The following RAD52 variants were observed in gnomAD, a reference collection of about 807,000 sequenced individuals.
The protein encoded by RAD52 is DNA repair protein RAD52 homolog.
Under a neutral mutation model 55.5 loss-of-function variants are expected in RAD52, and 47 were observed. The observed-to-expected ratio is 0.85, with a 90% CI of 0.67 to 1.08. The LOEUF (loss-of-function observed/expected upper bound fraction) is 1.08. Among genes scored for constraint, RAD52 ranks in the 50% least tolerant of loss-of-function variants. The pLI, the probability that RAD52 is intolerant of heterozygous loss-of-function variation, is 0.00. For missense variants in RAD52, 468 were observed against 522.8 expected, an observed-to-expected ratio of 0.90 and a Z score of 1.02; for synonymous variants, 184 against 198.9, an observed-to-expected ratio of 0.92 and a Z score of 0.63.
intron 1 of RAD52, among the ~76,000 whole-genome samples, chr12:966,896 T>TG (rs1958778104): frequency 6.6e-6 from 1 of 151,978 alleles, no homozygotes; most frequent in South Asian, 2.1e-4. Flanking sequence ...ATTTTACTGT[T>TG]GCGTCACAAG....
intron 7 of RAD52, among the ~76,000 whole-genome samples, chr12:923,503 T>C (rs1263506059): frequency 6.7e-6 from 1 of 150,164 alleles, no homozygotes; most frequent in Non-Finnish European, 1.5e-5. Context: ...AAGGATGCAG[T>C]GAATTATGAT....
intron 1 of RAD52, among the ~76,000 whole-genome samples, chr12:984,196 A>G (rs1434453256): frequency 6.6e-6 from 1 of 151,844 alleles, no homozygotes; most frequent in African/African-American, 2.4e-5. Flanking sequence ...TTCTGTCTCT[A>G]TGAATTTTTT....
At chr12:963,573 G>A (rs1192041365) in intron 1 of RAD52, among the ~76,000 whole-genome samples, 1 of 151,910 alleles carries the variant, frequency 6.6e-6, no homozygotes, top group East Asian at 1.9e-4. Context: ...TTTCAATAAG[G>A]ATTTATAATT....
chr12:965,302 T>C (rs1185496143), intron 1 of RAD52, among the ~76,000 whole-genome samples: 1 of 151,988 alleles, frequency 6.6e-6, no homozygotes. Flanking sequence ...TTACAGAAGA[T>C]TGGTACATGT....
rs1956166414 is a variant in RAD52, at chr12:912,752, A to AAAAAAAAAAAAC, written c.*638_*639insGTTTTTTTTTTT. The AAAAAAAAAAAAC allele has an allele frequency of 5.8e-6, 1 of 171,326 alleles. No homozygotes were observed. Among genetic ancestry groups the AAAAAAAAAAAAC allele is most frequent in the East Asian group, 1.0e-4 (1 of 9,734 alleles). 10.6% of individuals were successfully genotyped at this position (171,326 alleles called of 1,614,324 possible). ...AAAAAAAAAAAAAAAAAAACAAAAA[A>AAAAAAAAAAAAC]CAGCCTTTTTTCGTGGTCTTAGATG... On this transcript the variant is annotated 3_prime_UTR_variant, in exon 12 of 12. Coordinates refer to ENST00000358495, the MANE Select transcript of RAD52 (RefSeq NM_134424.4).
intron 1 of RAD52, among the ~76,000 whole-genome samples, chr12:979,769 C>A (rs906408750): frequency 3.3e-5 from 5 of 152,020 alleles, no homozygotes; most frequent in Non-Finnish European, 7.4e-5. Context: ...AGCTCTTGGC[C>A]GGGTGCGGTG....
chr12:920,291 T>G (rs1956647536), intron 7 of RAD52, among the ~76,000 whole-genome samples: 1 of 116,258 alleles, frequency 8.6e-6, no homozygotes, highest in South Asian at 3.2e-4. Context: ...GTGCAGTGGC[T>G]CACACCTATA....
At chr12:948,135 A>C (rs1958359117) in intron 1 of RAD52, among the ~76,000 whole-genome samples, 1 of 152,032 alleles carries the variant, frequency 6.6e-6, no homozygotes, top group Non-Finnish European at 1.5e-5. Context: ...TATTTAAAAA[A>C]TGAAGTTGAT....
intron 1 of RAD52, among the ~76,000 whole-genome samples, chr12:972,714 T>C (rs371644613): frequency 1.8e-4 from 25 of 135,782 alleles, no homozygotes; most frequent in African/African-American, 6.6e-4. Flanking sequence ...TGCAGTGAGC[T>C]GAGATAGCAC....
At chr12:922,191 TAAA>T (rs79763100) in intron 7 of RAD52, among the ~76,000 whole-genome samples, 3 of 81,694 alleles carry the variant, frequency 3.7e-5, no homozygotes, top group Non-Finnish European at 6.7e-5. Context: ...TAGGTTGGCT[TAAA>T]AAAAAAAAAA....
In RAD52 at chr12:914,494, C is replaced by T. The variant is rs758394761; in HGVS notation, c.904G>A (p.Val302Ile). Residue 302 changes from valine to isoleucine, a missense_variant, in exon 10 of 12, where the codon GTA (valine) becomes ATA (isoleucine). Coordinates refer to ENST00000358495, the MANE Select transcript of RAD52 (RefSeq NM_134424.4). ...TCCAGGAGTGGTTCTGAGACAGTTA[C>T]AGGAGTGCTGTGCGTCACAGGAGGG... ...PAPPVTHSTPVTVSEPLLEKD... is the reference protein window; with the variant it reads ...PAPPVTHSTPITVSEPLLEKD... 1 of 1,613,548 alleles carries T rather than the reference C, an allele frequency of 6.2e-7. No individual in the cohort carries two copies. The highest frequency in any genetic ancestry group is 8.5e-7 in the Non-Finnish European group (1 of 1,179,836).
intron 7 of RAD52, among the ~76,000 whole-genome samples, chr12:923,343 C>A (rs987280306): frequency 9.2e-5 from 14 of 151,664 alleles, no homozygotes; most frequent in African/African-American, 3.4e-4. Context: ...AGTTCATGAC[C>A]AGCCCTGAGA....
chr12:987,216 G>A (rs942228635), intron 1 of RAD52, among the ~76,000 whole-genome samples: 2 of 151,978 alleles, frequency 1.3e-5, no homozygotes, highest in Admixed American at 1.3e-4. Context: ...TGATCCACCC[G>A]CCTCAGCCTC....
intron 1 of RAD52, among the ~76,000 whole-genome samples, chr12:942,606 GCATGGT>G (rs954365391): frequency 6.6e-6 from 1 of 152,048 alleles, no homozygotes; most frequent in African/African-American, 2.4e-5. Flanking sequence ...AATTAGTTGG[GCATGGT>G]GGCGCATGTC....
At chr12:926,409 C>T (rs895278778) in intron 6 of RAD52, among the ~76,000 whole-genome samples, 8 of 151,904 alleles carry the variant, frequency 5.3e-5, no homozygotes, top group Admixed American at 2.0e-4. Flanking sequence ...GAGGCTGAGG[C>T]GGGAAGATCA....
rs1465813770 is a variant in RAD52, at chr12:911,894, G to GTGTC, written c.*1493_*1496dup. ...AAAAATTAGTCGGGCGTCGTGGTGG[G>GTGTC]TGTCTGTAATCCCAGCTACTCGGGA... On this transcript the variant is annotated 3_prime_UTR_variant, in exon 12 of 12. Transcript: ENST00000358495. 6.6e-6 allele frequency among the ~76,000 whole-genome samples: 1 copy of GTGTC among 152,034 alleles called. No homozygotes were observed. Among genetic ancestry groups the GTGTC allele is most frequent in the East Asian group, 1.9e-4 (1 of 5,182 alleles).
chr12:958,763 C>G (rs4765861), intron 1 of RAD52, among the ~76,000 whole-genome samples: 150,792 of 152,268 alleles, frequency 0.99, 74,685 homozygotes, highest in East Asian at 1. Context: ...CTGCAGGGTG[C>G]GTGTGGCGAT....
chr12:987,597 G>A (rs1289231792), intron 1 of RAD52, among the ~76,000 whole-genome samples: 4 of 140,730 alleles, frequency 2.8e-5, no homozygotes, highest in African/African-American at 1.1e-4. Context: ...ATCTGGCTCT[G>A]TTGCCCAGGC....
At chr12:921,127 G>C (rs1401410685) in intron 7 of RAD52, among the ~76,000 whole-genome samples, 1 of 151,830 alleles carries the variant, frequency 6.6e-6, no homozygotes, top group Non-Finnish European at 1.5e-5. Context: ...CTGGGGTGCA[G>C]GGAAAGAAGT....
Sources: gnomAD v4.1 joint callset for allele counts (sites outside exome capture counted in the v4.1 genomes callset) on GRCh38, gnomAD v4.1.1 for gene constraint, MANE v1.5 for transcripts, NCBI Gene and HGNC (gene_info 2026-07-23, HGNC 2026-07-21) for gene names.